Variants in MET observed in about 807,000 individuals in gnomAD.
MET encodes the protein hepatocyte growth factor receptor.
MET carries 48 observed loss-of-function variants against 133.1 expected under a neutral mutation model. That is an observed-to-expected ratio of 0.36 (90% CI 0.29 to 0.46). The LOEUF is 0.46. MET is among the 20% of genes least tolerant of loss of function. MET has a pLI of 1.00. For missense variants in MET, 1,442 were observed against 1,695.9 expected (o/e 0.85, Z 2.63); for synonymous variants, 628 against 616.5 (o/e 1.02, Z -0.28).
rs772597264 is a variant in MET, at chr7:116,763,050, G to A, written c.2365G>A (p.Ala789Thr). 6.2e-7 allele frequency: 1 copy of A among 1,613,134 alleles called. No homozygotes were observed. Among genetic ancestry groups the A allele is most frequent in the South Asian group, 1.1e-5 (1 of 91,048 alleles). Residue 789 changes from alanine to threonine, a missense_variant and splice_region_variant, in exon 11 of 21, where the codon GCA becomes ACA. Ala to Thr is a moderately conservative substitution (Grantham distance 58). This residue lies in a region of MET where 514 missense variants were observed against 659.6 expected (regional missense o/e 0.78). Transcript: ENST00000397752. ...AGTGGATAATTGTGTCTTTCTCTAGGCATGTCAACATCGCTCTAATTCAGA... is the reference window on the plus strand; with the variant it reads ...AGTGGATAATTGTGTCTTTCTCTAGACATGTCAACATCGCTCTAATTCAGA... Reference protein sequence around the residue: ...VHEAGRNFTVACQHRSNSEII... With the variant: ...VHEAGRNFTVTCQHRSNSEII...
chr7:116,752,054 C>CTT lies in MET; in HGVS notation c.1702-3300_1702-3299insTT, dbSNP rs976222163. Reference sequence around the variant, plus strand: ...CCAGCCTGGATGACAGAACGAGACTCTGTCTCAATAAAAAAAAAGAAAGAA... The same window carrying CTT: ...CCAGCCTGGATGACAGAACGAGACTCTTTGTCTCAATAAAAAAAAAGAAAGAA... On this transcript the variant is annotated intron_variant, in intron 5 of 20. Transcript: ENST00000397752. Among the ~76,000 whole-genome samples the CTT allele has an allele frequency of 9.7e-4, 147 of 152,042 alleles. 1 individual carries two copies. Among genetic ancestry groups the CTT allele is most frequent in the African/African-American group, 3.4e-3 (142 of 41,470 alleles).
chr7:116,686,407 A>C (rs1478341454), intron 1 of MET, among the ~76,000 whole-genome samples: 1 of 152,026 alleles, frequency 6.6e-6, no homozygotes, highest in African/African-American at 2.4e-5. Context: ...ACCTATCCCC[A>C]TACCTCTCCT....
At chr7:116,769,011 A>T (rs557048475) in intron 11 of MET, among the ~76,000 whole-genome samples, 4 of 152,344 alleles carry the variant, frequency 2.6e-5, no homozygotes, top group African/African-American at 7.2e-5. Flanking sequence ...GTCATACAGC[A>T]TCTCACATAA....
At chr7:116,754,895 GAAAGAA>G (rs1794073059) in intron 5 of MET, among the ~76,000 whole-genome samples, 3 of 32,736 alleles carry the variant, frequency 9.2e-5, no homozygotes, top group East Asian at 1.0e-3. Context: ...GAGAAAGAGA[GAAAGAA>G]AGAAAGAAAG....
chr7:116,786,329 T>A (rs1795313356), intron 19 of MET, among the ~76,000 whole-genome samples: 1 of 152,222 alleles, frequency 6.6e-6, no homozygotes, highest in Non-Finnish European at 1.5e-5. Flanking sequence ...AGCTTCAACA[T>A]ATGAATTTCC....
At chr7:116,695,468 G>A (rs960068655) in intron 1 of MET, among the ~76,000 whole-genome samples, 1 of 152,086 alleles carries the variant, frequency 6.6e-6, no homozygotes, top group Non-Finnish European at 1.5e-5. Context: ...CCTTAAAATG[G>A]TCACGTGAGA....
At chr7:116,779,538 G>T (rs1795092946) in intron 17 of MET, among the ~76,000 whole-genome samples, 1 of 152,002 alleles carries the variant, frequency 6.6e-6, no homozygotes, top group Non-Finnish European at 1.5e-5. Context: ...CCACCCTCAT[G>T]GCTTCAGACT....
chr7:116,737,985 A>G (rs1427094129), intron 3 of MET, among the ~76,000 whole-genome samples: 1 of 152,172 alleles, frequency 6.6e-6, no homozygotes, highest in Non-Finnish European at 1.5e-5. Context: ...GTCTAAGTAG[A>G]ACGGAGGAAA....
At chr7:116,696,225 G>A (rs1562881166) in intron 1 of MET, among the ~76,000 whole-genome samples, 1 of 151,990 alleles carries the variant, frequency 6.6e-6, no homozygotes, top group Non-Finnish European at 1.5e-5. Context: ...ATTTCCAGTC[G>A]AGTTGGTCTC....
intron 2 of MET, among the ~76,000 whole-genome samples, chr7:116,723,971 C>G (rs113035202): frequency 6.6e-6 from 1 of 152,242 alleles, no homozygotes; most frequent in Non-Finnish European, 1.5e-5. Flanking sequence ...GTGGAGCCTA[C>G]AGAGGCAGGC....
At chr7:116,713,977 T>C (rs1792100808) in intron 2 of MET, among the ~76,000 whole-genome samples, 1 of 152,206 alleles carries the variant, frequency 6.6e-6, no homozygotes, top group Non-Finnish European at 1.5e-5. Flanking sequence ...AAATCTCTTA[T>C]ACTTCTATGA....
At chr7:116,735,168 G>C (rs1428777432) in intron 3 of MET, among the ~76,000 whole-genome samples, 1 of 152,136 alleles carries the variant, frequency 6.6e-6, no homozygotes, top group Non-Finnish European at 1.5e-5. Flanking sequence ...CCTGGGCACT[G>C]TCACTGCTGC....
Position 116,757,425 on chromosome 7 carries a change from T to G in MET, c.1863-12T>G, listed in dbSNP as rs35189619. 4.8e-5 allele frequency: 78 copies of G among 1,609,018 alleles called. No individual in the cohort carries two copies. Among genetic ancestry groups the G allele is most frequent in the South Asian group, 4.0e-4 (36 of 90,924 alleles). On this transcript the variant is annotated splice_polypyrimidine_tract_variant and intron_variant, in intron 6 of 20. Coordinates refer to ENST00000397752, the MANE Select transcript of MET (RefSeq NM_000245.4). ...GATTTGTCATGTATTAAACTTTGGG[T>G]TTTTTTTCCAGATTGAAATGCACAG...
Position 116,757,548 on chromosome 7 carries a change from G to A in MET, c.1965+9G>A, listed in dbSNP as rs2116921566. On this transcript the variant is annotated intron_variant, in intron 7 of 20. Coordinates refer to ENST00000397752, the MANE Select transcript of MET (RefSeq NM_000245.4). The stretch of plus-strand genomic sequence containing the variant: ...GTACATTCTCCTATGTGGTAAGGAA[G>A]ATTCTATCCTATCATGTTTGATTTT... The A allele has an allele frequency of 3.1e-6, 5 of 1,613,022 alleles. No individual in the cohort carries two copies. Among genetic ancestry groups the A allele is most frequent in the Non-Finnish European group, 4.2e-6 (5 of 1,179,112 alleles).
rs2116592014 is a variant in MET, at chr7:116,699,647, T to G, written c.563T>G (p.Val188Gly). ...SALGAKVLSSVKDRFINFFVG... is the reference protein window; with the variant it reads ...SALGAKVLSSGKDRFINFFVG... ...CTGGGAGCCAAAGTCCTTTCATCTGTAAAGGACCGGTTCATCAACTTCTTT... is the reference window on the plus strand; with the variant it reads ...CTGGGAGCCAAAGTCCTTTCATCTGGAAAGGACCGGTTCATCAACTTCTTT... Residue 188 changes from valine (V) to glycine (G), a missense_variant, in exon 2 of 21, where the codon GTA becomes GGA. Coordinates refer to ENST00000397752, the MANE Select transcript of MET (RefSeq NM_000245.4). 6.2e-7 allele frequency: 1 copy of G among 1,613,996 alleles called. No homozygotes were observed. The highest frequency in any genetic ancestry group is 8.5e-7 in the Non-Finnish European group (1 of 1,179,966).
chr7:116,745,158 A>G (rs1465205467), intron 5 of MET, among the ~76,000 whole-genome samples: 1 of 152,242 alleles, frequency 6.6e-6, no homozygotes, highest in African/African-American at 2.4e-5. Flanking sequence ...GAGCCAAATC[A>G]TGAGTGAACT....
At chr7:116,774,239 C>A (rs550185871) in intron 14 of MET, among the ~76,000 whole-genome samples, 8 of 152,198 alleles carry the variant, frequency 5.3e-5, no homozygotes, top group Non-Finnish European at 1.0e-4. Context: ...AGAATGCTTA[C>A]CCCTTTCATA....
In MET at chr7:116,795,809, A is replaced by T. The variant is rs1795651247; in HGVS notation, c.3935+18A>T. ...GACCCCTTGTAAGTAGTCTTTCTGT[A>T]CCTCTTACGTTCTTTACTTTTACAG... On this transcript the variant is annotated intron_variant, in intron 20 of 20. Transcript: ENST00000397752. The T allele has an allele frequency of 1.2e-6, 2 of 1,614,032 alleles. No homozygotes were observed. The highest frequency in any genetic ancestry group is 1.1e-5 in the South Asian group (1 of 91,090).
intron 1 of MET, chr7:116,695,774 G>A (rs80048442): frequency 2.0e-5 from 10 of 491,804 alleles, no homozygotes; most frequent in African/African-American, 1.8e-4. Flanking sequence ...GTAAATCAAA[G>A]AGTTTAGCAG....
Sources: gnomAD v4.1 joint callset for allele counts (sites outside exome capture counted in the v4.1 genomes callset) on GRCh38, gnomAD v4.1.1 for gene constraint, gnomAD v4.1.1 regional missense constraint, MANE v1.5 for transcripts, NCBI Gene and HGNC (gene_info 2026-07-23, HGNC 2026-07-21) for gene names.